CNOT4: variants seen among roughly 807,000 people sequenced by gnomAD.
CNOT4 encodes CCR4-associated factor 4.
CNOT4 carries 8 observed loss-of-function variants against 73.8 expected under a neutral mutation model. The ratio of observed to expected loss-of-function variants is 0.11; its 90% CI spans 0.06 to 0.20. The LOEUF (loss-of-function observed/expected upper bound fraction) is 0.20, where lower values mean the gene tolerates loss of function less well. Ranked by LOEUF, CNOT4 falls within the 10% of genes least tolerant of loss-of-function variation. CNOT4 has a pLI of 1.00. For synonymous variants in CNOT4, 293 were observed against 321.1 expected, an observed-to-expected ratio of 0.91 and a Z score of 0.94; for missense variants, 564 against 883.4, an observed-to-expected ratio of 0.64 and a Z score of 4.58.
At chr7:135,390,316 T>C (rs1796334581) in intron 10 of CNOT4, among the ~76,000 whole-genome samples, 1 of 152,126 alleles carries the variant, frequency 6.6e-6, no homozygotes, top group Admixed American at 6.6e-5. Context: ...ATGTGACCTT[T>C]AACAAATTAT....
At chr7:135,428,518 A>G (rs535524337) in intron 2 of CNOT4, among the ~76,000 whole-genome samples, 1 of 152,160 alleles carries the variant, frequency 6.6e-6, no homozygotes, top group South Asian at 2.1e-4. Context: ...ACAGCAAGAG[A>G]AAAAAAAGAG....
chr7:135,395,537 C>T (rs1585579385), intron 9 of CNOT4, 97 bp downstream of exon 9: 3 of 1,351,726 alleles, frequency 2.2e-6, no homozygotes, highest in Admixed American at 4.6e-5. Context: ...AACAGAGAGG[C>T]AAAAGATAAA....
At chr7:135,400,071 T>C (rs73725122) in intron 7 of CNOT4, among the ~76,000 whole-genome samples, 24 of 152,124 alleles carry the variant, frequency 1.6e-4, no homozygotes, top group African/African-American at 5.1e-4. Context: ...GGAGTTCAAA[T>C]TTAAGTAGGT....
Position 135,363,058 on chromosome 7 carries a change from T to A in CNOT4, c.1969A>T (p.Ser657Cys). ...PSAAPSQTHH[S>C]APFSTQIPLH... is the part of the protein sequence containing the mutation. The stretch of plus-strand genomic sequence containing the variant: ...GGGATCTGTGTGCTGAAGGGGGCGC[T>A]GTGGTGGGTCTGTGATGGAGCAGCG... The change falls in exon 12 of 12, where the codon AGC (serine) becomes TGC (cysteine). Residue 657 changes from serine (S) to cysteine (C), a missense_variant. Physicochemically the swap from Ser to Cys is moderately radical, Grantham distance 112. This residue lies in a region of CNOT4 where 88 missense variants were observed against 94.7 expected (regional missense o/e 0.93). Coordinates refer to ENST00000541284, the MANE Select transcript of CNOT4 (RefSeq NM_001190850.2). This position sits in a 1 kb window ranked among gnomAD's most constrained non-coding sequence, Gnocchi z 4.3. The A allele has an allele frequency of 6.2e-7, 1 of 1,613,732 alleles. No individual in the cohort carries two copies. The highest frequency in any genetic ancestry group is 1.1e-5 in the South Asian group (1 of 91,044).
intron 7 of CNOT4, among the ~76,000 whole-genome samples, chr7:135,407,822 G>A (rs574554203): frequency 3.9e-5 from 6 of 152,274 alleles, no homozygotes; most frequent in East Asian, 1.9e-4. Context: ...CACCAGGCCC[G>A]GCCTCAGTGT....
intron 1 of CNOT4, among the ~76,000 whole-genome samples, chr7:135,454,014 T>C (rs187219925): frequency 1.5e-3 from 204 of 140,626 alleles, no homozygotes; most frequent in Non-Finnish European, 2.8e-3. Flanking sequence ...ATATATTTGA[T>C]TTCTAGATAT....
At chr7:135,403,980 T>A (rs1797142215) in intron 7 of CNOT4, among the ~76,000 whole-genome samples, 1 of 152,158 alleles carries the variant, frequency 6.6e-6, no homozygotes, top group Non-Finnish European at 1.5e-5. Flanking sequence ...CACACAACCC[T>A]ATCTTTAACT....
chr7:135,368,911 A>G (rs1325141004), intron 10 of CNOT4, among the ~76,000 whole-genome samples: 1 of 152,216 alleles, frequency 6.6e-6, no homozygotes, highest in Non-Finnish European at 1.5e-5. Flanking sequence ...TCTGTTCTCC[A>G]GGTTAACTGC....
At chr7:135,381,177 T>C (rs964923364) in intron 10 of CNOT4, among the ~76,000 whole-genome samples, 3 of 152,226 alleles carry the variant, frequency 2.0e-5, no homozygotes, top group Admixed American at 6.5e-5. Context: ...AATACATGAA[T>C]AGACATAGGT....
chr7:135,490,809 T>C (rs1289025007), intron 1 of CNOT4, among the ~76,000 whole-genome samples: 1 of 152,252 alleles, frequency 6.6e-6, no homozygotes, highest in African/African-American at 2.4e-5. Flanking sequence ...TCAAAGGATC[T>C]TTTTGACTGC....
chr7:135,461,424 T>A (rs930003094), intron 1 of CNOT4, among the ~76,000 whole-genome samples: 1 of 152,168 alleles, frequency 6.6e-6, no homozygotes, highest in Non-Finnish European at 1.5e-5. Flanking sequence ...ACAAACCCTG[T>A]ACACCCAGCT....
rs569691889 is a variant in CNOT4, at chr7:135,433,961, T to C, written c.174+4197A>G. Among the ~76,000 whole-genome samples, 54 of 152,350 alleles carry C rather than the reference T, an allele frequency of 3.5e-4. 2 individuals are homozygous for C. The East Asian group carries it at 5.4e-3, about 15-fold the overall frequency. On this transcript the variant is annotated intron_variant, in intron 2 of 11. Coordinates refer to ENST00000541284, the MANE Select transcript of CNOT4 (RefSeq NM_001190850.2). ...CTAAACTCTCTTGGTTTTTAAAATC[T>C]GGCTGTCTCTGCTTTTCAAAGATAT... is the stretch of plus-strand genomic sequence containing the variant.
At position 135,422,361 on chromosome 7, in the gene CNOT4, C is replaced by T. The variant is rs1389680360; in HGVS notation, c.175-8G>A. The T allele has an allele frequency of 3.8e-6, 5 of 1,321,732 alleles. No homozygotes were observed. The highest frequency in any genetic ancestry group is 5.5e-6 in the Non-Finnish European group (5 of 916,414). The allele number at this position is 1,321,732 out of a possible 1,614,324, so 81.9% of individuals were successfully genotyped here. On this transcript the variant is annotated splice_polypyrimidine_tract_variant and splice_region_variant and intron_variant, in intron 2 of 11. Transcript: ENST00000541284. ...TGGGTCTTCTGGATATGGCTTTAAG[C>T]ATGAAACAAACATAGACGTTAGCAT...
intron 1 of CNOT4, among the ~76,000 whole-genome samples, chr7:135,505,453 G>A (rs1324520259): frequency 6.6e-6 from 1 of 152,192 alleles, no homozygotes; most frequent in Non-Finnish European, 1.5e-5. Flanking sequence ...TCGGGAGGCT[G>A]AGGCAGGAGG....
intron 1 of CNOT4, among the ~76,000 whole-genome samples, chr7:135,504,883 C>T (rs1445976318): frequency 6.6e-6 from 1 of 152,092 alleles, no homozygotes; most frequent in Non-Finnish European, 1.5e-5. Flanking sequence ...CCACCTCGGC[C>T]TCCCAAAGTG....
intron 1 of CNOT4, among the ~76,000 whole-genome samples, chr7:135,467,972 T>C (rs975449236): frequency 4.6e-5 from 7 of 152,110 alleles, no homozygotes; most frequent in Admixed American, 2.6e-4. Context: ...TCCCAGCACT[T>C]TGGGAGCTCG....
chr7:135,477,637 C>T (rs1036769717), intron 1 of CNOT4, among the ~76,000 whole-genome samples: 3 of 152,184 alleles, frequency 2.0e-5, no homozygotes, highest in African/African-American at 7.2e-5. Flanking sequence ...TGCATCTCTA[C>T]TTCATTCTTC....
At position 135,410,646 on chromosome 7, in the gene CNOT4, C is replaced by G. The variant is rs775847156; in HGVS notation, c.690G>C (p.Ala230=). 1 of 1,576,338 alleles carries G rather than the reference C, an allele frequency of 6.3e-7. No individual in the cohort carries two copies. Among genetic ancestry groups the G allele is most frequent in the Non-Finnish European group, 8.6e-7 (1 of 1,164,806 alleles). Residue 230 remains alanine, a splice_region_variant and synonymous_variant, in exon 7 of 12, where the codon GCG becomes GCC. Coordinates refer to ENST00000541284, the MANE Select transcript of CNOT4 (RefSeq NM_001190850.2). ...AASFTKEEMQ[A]GKHQEYEQKL... ...TCTGTTCATATTCTTGGTGTTTACC[C>G]GCCTAACGAAAGAAGAAATTAAAAC...
chr7:135,450,511 G>A (rs150576431), intron 1 of CNOT4, among the ~76,000 whole-genome samples: 3,078 of 152,130 alleles, frequency 0.02, 39 homozygotes, highest in Non-Finnish European at 0.03. Context: ...ACACCACCAC[G>A]CCTGGCTAAT....
Sources: allele counts gnomAD v4.1 joint callset (sites outside exome capture counted in the v4.1 genomes callset), GRCh38; gene constraint gnomAD v4.1.1; regional missense constraint gnomAD v4.1.1; non-coding constraint Gnocchi (gnomAD v3.1); transcripts MANE v1.5; gene names NCBI Gene and HGNC (gene_info 2026-07-23, HGNC 2026-07-21).